PPP6R1: variants seen among roughly 807,000 people sequenced by gnomAD.
The protein encoded by PPP6R1 is serine/threonine-protein phosphatase 6 regulatory subunit 1.
Under a neutral mutation model 104.6 loss-of-function variants are expected in PPP6R1, and 39 were observed. That is an observed-to-expected ratio of 0.37 (90% CI 0.29 to 0.49). The LOEUF (loss-of-function observed/expected upper bound fraction) is 0.49. PPP6R1 is among the 20% of genes least tolerant of loss of function. PPP6R1 has a pLI of 0.98. For missense variants in PPP6R1, 1,181 were observed against 1,155.8 expected (o/e 1.02, Z -0.32); for synonymous variants, 549 against 479.0 (o/e 1.15, Z -1.91).
intron 21 of PPP6R1, 132 bp from the exon 22 acceptor site, chr19:55,231,016 C>T (rs1395062940): frequency 8.5e-5 from 65 of 765,864 alleles, no homozygotes; most frequent in Middle Eastern, 3.6e-4. Flanking sequence ...AGGGGCCTCC[C>T]GAGGACGCAG....
intron 1 of PPP6R1, among the ~76,000 whole-genome samples, chr19:55,250,278 C>T (rs1442153793): frequency 2.0e-5 from 3 of 152,242 alleles, no homozygotes; most frequent in Admixed American, 2.0e-4. Flanking sequence ...GGAGAGGAAA[C>T]TGAGGCACAC....
At chr19:55,228,300 G>A (rs867862032), downstream of PPP6R1, 1 of 1,613,686 alleles carries the variant, frequency 6.2e-7, no homozygotes, top group African/African-American at 1.3e-5. Flanking sequence ...TGACCCACAG[G>A]AACCCAGCCA....
At chr19:55,256,665 A>G (rs1373018434) in intron 1 of PPP6R1, among the ~76,000 whole-genome samples, 2 of 152,230 alleles carry the variant, frequency 1.3e-5, no homozygotes, top group Non-Finnish European at 2.9e-5. Context: ...TTTACAAAAA[A>G]TACAAACATT....
intron 17 of PPP6R1, among the ~76,000 whole-genome samples, chr19:55,234,660 T>TGCACTCACAGCGGCC (rs1442817050): frequency 9.9e-5 from 10 of 101,194 alleles, no homozygotes; most frequent in African/African-American, 5.4e-4. Flanking sequence ...TCACAGCGGC[T>TGCACTCACAGCGGCC]GCACTCACAG....
chr19:55,248,190 C>A (rs778728297), intron 1 of PPP6R1, among the ~76,000 whole-genome samples: 1 of 152,256 alleles, frequency 6.6e-6, no homozygotes, highest in African/African-American at 2.4e-5. Flanking sequence ...GTGCTCTGGG[C>A]ACTTGATGAC....
intron 1 of PPP6R1, among the ~76,000 whole-genome samples, chr19:55,252,739 C>T (rs973180308): frequency 2.0e-5 from 3 of 151,882 alleles, no homozygotes. Context: ...GGTTTCACCA[C>T]GTTGGCCAGG....
At chr19:55,247,846 C>T (rs1443187904) in intron 1 of PPP6R1, among the ~76,000 whole-genome samples, 3 of 152,164 alleles carry the variant, frequency 2.0e-5, no homozygotes, top group African/African-American at 7.2e-5. Context: ...GGAGGGGCTC[C>T]CAGAATAGTC....
chr19:55,230,865 T>C lies in PPP6R1; in HGVS notation c.2479A>G (p.Thr827Ala). 1 of 1,605,732 alleles carries C rather than the reference T, an allele frequency of 6.2e-7. No homozygotes were observed. The highest frequency in any genetic ancestry group is 8.5e-7 in the Non-Finnish European group (1 of 1,179,244). ...TGGGCCCCGGAGGCTGGGACAGAGGTAGAGGGGTCTCTGGTTGCACTGTGG... is the reference window on the plus strand; with the variant it reads ...TGGGCCCCGGAGGCTGGGACAGAGGCAGAGGGGTCTCTGGTTGCACTGTGG... ...SSDSATRDPS[T>A]SVPASGAHQP... Residue 827 changes from threonine to alanine, a missense_variant, in exon 22 of 24, where the codon ACC (threonine) becomes GCC (alanine). Physicochemically the swap from Thr to Ala is moderately conservative, Grantham distance 58. This residue lies in a region of PPP6R1 where 1,042 missense variants were observed against 955.6 expected (regional missense o/e 1.09). Transcript: ENST00000412770.
rs1298995864 is a variant in PPP6R1 at position 55,245,038 on chromosome 19, C to A, written c.618+82G>T. The A allele has an allele frequency of 1.2e-5, 19 of 1,553,774 alleles. No homozygotes were observed. Among genetic ancestry groups the A allele is most frequent in the Non-Finnish European group, 1.5e-5 (17 of 1,144,438 alleles). ...CAGGCGTGAGCCACTGCGTCCAGCC[C>A]CAATTCCTCTTTTAAAAGTGGGGAA... On this transcript the variant is annotated intron_variant, in intron 5 of 23. Coordinates refer to ENST00000412770, the MANE Select transcript of PPP6R1 (RefSeq NM_014931.4). The surrounding 1 kb of genome is among the most constrained non-coding windows in gnomAD (Gnocchi z 6.4).
At chr19:55,237,008 TG>T (rs2087406067) in intron 15 of PPP6R1, 38 bp from the exon 16 acceptor site, 1 of 1,553,420 alleles carries the variant, frequency 6.4e-7, no homozygotes, top group Non-Finnish European at 8.9e-7. Flanking sequence ...AAGGTCCACC[TG>T]GGGGTGGGGG....
downstream of PPP6R1, chr19:55,229,502 G>A (rs933896357): frequency 3.9e-5 from 6 of 152,338 alleles, no homozygotes; most frequent in Admixed American, 6.5e-5. Flanking sequence ...TCAATGCTGG[G>A]CTTGGTTACT....
chr19:55,253,967 C>T (rs995619540), intron 1 of PPP6R1, among the ~76,000 whole-genome samples: 1 of 152,192 alleles, frequency 6.6e-6, no homozygotes, highest in African/African-American at 2.4e-5. Context: ...AGCAGGTGGC[C>T]GTGACACAGC....
At chr19:55,257,396 G>A (rs1420522334) in intron 1 of PPP6R1, among the ~76,000 whole-genome samples, 1 of 152,196 alleles carries the variant, frequency 6.6e-6, no homozygotes, top group Non-Finnish European at 1.5e-5. Context: ...TCAGGCGGGT[G>A]TCTATGGTCA....
chr19:55,245,867 C>CT lies in PPP6R1; in HGVS notation c.228-190dup, dbSNP rs1846538383. On this transcript the variant is annotated intron_variant, in intron 2 of 23. Coordinates refer to ENST00000412770, the MANE Select transcript of PPP6R1 (RefSeq NM_014931.4). The surrounding 1 kb of genome is among the most constrained non-coding windows in gnomAD (Gnocchi z 6.4). ...GGGCCCACACCAGGCCTCCTCCACC[C>CT]TGCTAACACCCAACCATCCCATCCT... Among the ~76,000 whole-genome samples, 1 of 152,148 alleles carries CT rather than the reference C, an allele frequency of 6.6e-6. No individual in the cohort carries two copies. Among genetic ancestry groups the CT allele is most frequent in the African/African-American group, 2.4e-5 (1 of 41,428 alleles).
In PPP6R1 at chr19:55,230,410, A is replaced by G; in HGVS notation, c.*118T>C. On this transcript the variant is annotated 3_prime_UTR_variant, in exon 24 of 24. Coordinates refer to ENST00000412770, the MANE Select transcript of PPP6R1 (RefSeq NM_014931.4). ...AGCCTCCTGGGGGTCCAGAGGAGAG[A>G]ATGTGGGGGTGTCAGGGTGATGAGG... 2.1e-6 allele frequency: 3 copies of G among 1,456,568 alleles called. No individual in the cohort carries two copies. The highest frequency in any genetic ancestry group is 2.8e-6 in the Non-Finnish European group (3 of 1,061,028). The allele number at this position is 1,456,568 out of a possible 1,614,324, so 90.2% of individuals were successfully genotyped here. A position where few individuals can be genotyped will look rare whatever the true frequency, so the allele number is the denominator to read the frequency against.
chr19:55,244,254 T>C (rs1016665728), intron 5 of PPP6R1, among the ~76,000 whole-genome samples: 20 of 152,172 alleles, frequency 1.3e-4, no homozygotes, highest in Non-Finnish European at 2.6e-4. Flanking sequence ...GAAGTTGGCA[T>C]TGGGAAGGAC....
intron 17 of PPP6R1, among the ~76,000 whole-genome samples, chr19:55,235,779 A>G (rs1362883840): frequency 1.3e-5 from 2 of 151,196 alleles, no homozygotes; most frequent in Non-Finnish European, 2.9e-5. Context: ...CAGCCTCCCA[A>G]AGTGCTGGGA....
chr19:55,232,263 A>C, intron 17 of PPP6R1, 52 bp from the exon 18 acceptor site: 1 of 1,494,186 alleles, frequency 6.7e-7, no homozygotes, highest in Non-Finnish European at 9.0e-7. Context: ...ACCGGCCGAC[A>C]CCCATCCTGT....
intron 21 of PPP6R1, 165 bp from the exon 22 acceptor site, chr19:55,231,049 C>T: frequency 1.5e-6 from 1 of 662,766 alleles, no homozygotes; most frequent in Non-Finnish European, 2.6e-6. Flanking sequence ...GGAGGGACAG[C>T]ACAGCCCTGG....
Sources: allele counts gnomAD v4.1 joint callset (sites outside exome capture counted in the v4.1 genomes callset), GRCh38; gene constraint gnomAD v4.1.1; regional missense constraint gnomAD v4.1.1; non-coding constraint Gnocchi (gnomAD v3.1); transcripts MANE v1.5; gene names NCBI Gene and HGNC (gene_info 2026-07-23, HGNC 2026-07-21).